NOL10: variants seen among roughly 807,000 people sequenced by gnomAD.
NOL10 encodes the protein H_NH0074G24.1.
NOL10 carries 58 observed loss-of-function variants against 103.5 expected under a neutral mutation model. The observed-to-expected ratio is 0.56, with a 90% CI of 0.45 to 0.70. The LOEUF (loss-of-function observed/expected upper bound fraction) is 0.70. Ranked by LOEUF, NOL10 falls within the 30% of genes least tolerant of loss-of-function variation. NOL10 has a pLI of 0.00. For missense variants in NOL10, 763 were observed against 807.3 expected (o/e 0.95, Z 0.67); for synonymous variants, 287 against 282.5 (o/e 1.02, Z -0.16).
At chr2:10,604,007 G>T (rs1558283486) in intron 14 of NOL10, among the ~76,000 whole-genome samples, 1 of 152,170 alleles carries the variant, frequency 6.6e-6, no homozygotes, top group South Asian at 2.1e-4. Flanking sequence ...TGCAGGGAGG[G>T]ACAGTTTCAG....
chr2:10,666,812 G>GA (rs952785710), intron 8 of NOL10, among the ~76,000 whole-genome samples: 1 of 151,696 alleles, frequency 6.6e-6, no homozygotes, highest in Non-Finnish European at 1.5e-5. Context: ...TAGCACTTAG[G>GA]AAAAAAAATT....
intron 3 of NOL10, among the ~76,000 whole-genome samples, chr2:10,677,871 G>GTGTGTTTGTGTGTGTGTGTGTA: frequency 6.8e-6 from 1 of 146,010 alleles, no homozygotes; most frequent in South Asian, 2.2e-4. Context: ...GTGTGTGTGT[G>GTGTGTTTGTGTGTGTGTGTGTA]TATACACATA....
chr2:10,618,774 T>G (rs921909829), intron 13 of NOL10, among the ~76,000 whole-genome samples: 3 of 152,180 alleles, frequency 2.0e-5, no homozygotes, highest in African/African-American at 7.2e-5. Flanking sequence ...GGTTTGAGGA[T>G]GGGGCACACC....
At chr2:10,658,436 G>A (rs565410209) in intron 10 of NOL10, among the ~76,000 whole-genome samples, 72 of 152,226 alleles carry the variant, frequency 4.7e-4, no homozygotes, top group African/African-American at 1.7e-3. Context: ...TCCAAGGCAG[G>A]GTTTCAGACC....
chr2:10,664,544 C>T (rs1162284827), intron 8 of NOL10, among the ~76,000 whole-genome samples: 2 of 152,134 alleles, frequency 1.3e-5, no homozygotes, highest in Non-Finnish European at 2.9e-5. Context: ...AATGAGGGGT[C>T]GTTGTTTGTG....
chr2:10,638,340 A>AACGTAACGTAACGTG (rs1401913823), intron 13 of NOL10, among the ~76,000 whole-genome samples: 5 of 131,186 alleles, frequency 3.8e-5, no homozygotes, highest in African/African-American at 2.0e-4. Flanking sequence ...GACGTAACGT[A>AACGTAACGTAACGTG]ACGTAACGTA....
At chr2:10,636,797 C>CT (rs1409013946) in intron 13 of NOL10, among the ~76,000 whole-genome samples, 1 of 152,134 alleles carries the variant, frequency 6.6e-6, no homozygotes, top group African/African-American at 2.4e-5. Context: ...AAGTACCTCT[C>CT]TAACAGACAA....
rs1377984777 is a variant in NOL10 at position 10,580,959 on chromosome 2, G to A, written c.1845-3221C>T. On this transcript the variant is annotated intron_variant, in intron 19 of 20. Coordinates refer to ENST00000381685, the MANE Select transcript of NOL10 (RefSeq NM_024894.4). ...AGAAAATGGAGAAAGAGAATCCACAGATAAAGGATTAAGTATTTTTTAAAT... is the reference window on the plus strand; with the variant it reads ...AGAAAATGGAGAAAGAGAATCCACAAATAAAGGATTAAGTATTTTTTAAAT... Among the ~76,000 whole-genome samples, 5 of 152,198 alleles carry A rather than the reference G, an allele frequency of 3.3e-5. No homozygotes were observed. The East Asian group carries it at 9.6e-4, about 29-fold the overall frequency.
At chr2:10,662,132 C>T (rs777138804) in intron 9 of NOL10, among the ~76,000 whole-genome samples, 9 of 152,184 alleles carry the variant, frequency 5.9e-5, no homozygotes, top group East Asian at 5.8e-4. Flanking sequence ...ATGCCATTGA[C>T]GAATATTTTT....
intron 12 of NOL10, among the ~76,000 whole-genome samples, chr2:10,649,382 A>C (rs1443282764): frequency 7.6e-6 from 1 of 131,272 alleles, no homozygotes; most frequent in Non-Finnish European, 1.5e-5. Context: ...GAGCAGTGGC[A>C]TGATCTCGGC....
At chr2:10,586,239 C>T (rs1675017316) in intron 19 of NOL10, among the ~76,000 whole-genome samples, 1 of 152,250 alleles carries the variant, frequency 6.6e-6, no homozygotes, top group African/African-American at 2.4e-5. Flanking sequence ...CACCAGTGAA[C>T]TGCATGCTTT....
intron 12 of NOL10, among the ~76,000 whole-genome samples, chr2:10,650,654 G>A (rs1438494579): frequency 6.6e-6 from 1 of 152,116 alleles, no homozygotes; most frequent in Non-Finnish European, 1.5e-5. Context: ...AGCTACTCAG[G>A]AGGCCTAGGC....
intron 11 of NOL10, among the ~76,000 whole-genome samples, chr2:10,655,236 AAAGG>A (rs1289597676): frequency 6.6e-6 from 1 of 151,528 alleles, no homozygotes; most frequent in Non-Finnish European, 1.5e-5. Context: ...GGAAGAAAAG[AAAGG>A]AAGGAAGGAA....
chr2:10,588,850 C>G (rs1675251609), intron 19 of NOL10, among the ~76,000 whole-genome samples, 193 bp downstream of exon 19: 1 of 152,212 alleles, frequency 6.6e-6, no homozygotes, highest in Non-Finnish European at 1.5e-5. Flanking sequence ...TAGCGACGCT[C>G]CCCTCAGGCC....
intron 1 of NOL10, among the ~76,000 whole-genome samples, chr2:10,689,105 T>G (rs564079567): frequency 6.6e-6 from 1 of 152,144 alleles, no homozygotes; most frequent in Non-Finnish European, 1.5e-5. Context: ...GATCATCACG[T>G]ATAAGAAACA....
Position 10,612,521 on chromosome 2 carries a change from G to A in NOL10, c.1027-5210C>T, listed in dbSNP as rs530806085. Among the ~76,000 whole-genome samples the A allele has an allele frequency of 4.6e-5, 7 of 151,382 alleles. 2 individuals carry two copies. The South Asian group carries it at 1.5e-3, about 32-fold the overall frequency. On this transcript the variant is annotated intron_variant, in intron 13 of 20. Transcript: ENST00000381685. ...TTTAGAAATATTATTTTTTTTCTTTGAGACACAGTCTCCATCCGTATCCCA... is the reference window on the plus strand; with the variant it reads ...TTTAGAAATATTATTTTTTTTCTTTAAGACACAGTCTCCATCCGTATCCCA...
intron 17 of NOL10, among the ~76,000 whole-genome samples, chr2:10,593,725 G>C (rs990732245): frequency 3.9e-5 from 6 of 152,210 alleles, no homozygotes. Context: ...GCTTGGCTGA[G>C]GCTGGCACTG....
chr2:10,645,453 A>G (rs927882858), intron 12 of NOL10, among the ~76,000 whole-genome samples: 5 of 151,906 alleles, frequency 3.3e-5, no homozygotes, highest in African/African-American at 1.2e-4. Flanking sequence ...TGTAAAAGTG[A>G]TGATATTTGA....
chr2:10,669,523 C>T lies in NOL10; in HGVS notation c.465-800G>A, dbSNP rs1348034504. On this transcript the variant is annotated intron_variant, in intron 6 of 20. Transcript: ENST00000381685. ...ACACACACACATATATACACACACA[C>T]ACACACACACACACACACAAACATA... Among the ~76,000 whole-genome samples, 17 of 149,306 alleles carry T rather than the reference C, an allele frequency of 1.1e-4. No individual in the cohort carries two copies. In the East Asian group the frequency reaches 2.5e-3, roughly 22 times the overall value.
Sources: allele counts gnomAD v4.1 joint callset (sites outside exome capture counted in the v4.1 genomes callset), GRCh38; gene constraint gnomAD v4.1.1; transcripts MANE v1.5; gene names NCBI Gene and HGNC (gene_info 2026-07-23, HGNC 2026-07-21).